Variants in GPHN observed in about 807,000 individuals in gnomAD.
GPHN encodes the protein gephyrin.
In GPHN, 17 loss-of-function variants were observed where a neutral mutation model predicts 95.5. The ratio of observed to expected loss-of-function variants is 0.18; its 90% confidence interval spans 0.12 to 0.27. The LOEUF (loss-of-function observed/expected upper bound fraction) is 0.27, where lower values mean the gene tolerates loss of function less well. GPHN is among the 10% of genes least tolerant of loss of function. GPHN has a pLI of 1.00. For synonymous variants in GPHN, 320 were observed against 322.5 expected (o/e 0.99, Z 0.08); for missense variants, 660 against 978.1 (o/e 0.67, Z 4.34).
chr14:67,508,449 A>G, the GPHN span, among the ~76,000 whole-genome samples: 1 of 152,148 alleles, frequency 6.6e-6, no homozygotes, highest in Non-Finnish European at 1.5e-5. Context: ...AGAGTCACTG[A>G]GCTGTGAGGA....
At chr14:66,571,059 A>G (rs2060669052) in intron 1 of GPHN, among the ~76,000 whole-genome samples, 1 of 152,242 alleles carries the variant, frequency 6.6e-6, no homozygotes, top group Admixed American at 6.5e-5. Flanking sequence ...TCACACTGCT[A>G]TAAAGAAATA....
At chr14:67,407,422 CT>C in the GPHN span, among the ~76,000 whole-genome samples, 1 of 151,520 alleles carries the variant, frequency 6.6e-6, no homozygotes, top group East Asian at 1.9e-4. Flanking sequence ...CGCCCAGCCC[CT>C]AACCTTATTT....
At position 66,794,021 on chromosome 14, in the gene GPHN, C is replaced by T. The variant is rs555645486; in HGVS notation, c.201+17500C>T. On this transcript the variant is annotated intron_variant, in intron 3 of 22. Coordinates refer to ENST00000478722, the MANE Select transcript of GPHN (RefSeq NM_020806.5). Reference sequence around the variant, plus strand: ...ATGACAAGTATTTTTAAAAACCCATCTGTGTGCTTTCTGCAGTAGACATAT... The same window carrying T: ...ATGACAAGTATTTTTAAAAACCCATTTGTGTGCTTTCTGCAGTAGACATAT... 2.0e-5 allele frequency among the ~76,000 whole-genome samples: 3 copies of T among 152,144 alleles called. No individual in the cohort carries two copies. In the South Asian group the frequency reaches 6.2e-4, roughly 32 times the overall value.
chr14:67,001,687 G>A (rs186200859), intron 9 of GPHN, among the ~76,000 whole-genome samples: 46 of 151,612 alleles, frequency 3.0e-4, no homozygotes, highest in African/African-American at 7.7e-4. Context: ...TTGTTGCCAC[G>A]TCTACTTTAA....
chr14:67,180,687 C>G (rs1464857127), intron 22 of GPHN, 117 bp from the exon 23 acceptor site: 1 of 932,726 alleles, frequency 1.1e-6, no homozygotes, highest in Admixed American at 2.0e-5. Context: ...GTTTGATCAT[C>G]CCTTCTCCTC....
intron 3 of GPHN, among the ~76,000 whole-genome samples, chr14:66,805,659 A>T (rs1436523217): frequency 6.6e-6 from 1 of 152,208 alleles, no homozygotes; most frequent in African/African-American, 2.4e-5. Context: ...GCAAGTCTGA[A>T]ATCCAGCAAG....
intron 9 of GPHN, among the ~76,000 whole-genome samples, chr14:66,999,430 G>T (rs1410038991): frequency 6.6e-6 from 1 of 151,712 alleles, no homozygotes; most frequent in Non-Finnish European, 1.5e-5. Flanking sequence ...AACATTTATG[G>T]TTATATAATT....
chr14:66,523,512 T>G (rs964115737), intron 1 of GPHN, among the ~76,000 whole-genome samples: 1 of 152,138 alleles, frequency 6.6e-6, no homozygotes, highest in Admixed American at 6.5e-5. Flanking sequence ...ATACCTTTGA[T>G]GAACAATATT....
intron 16 of GPHN, among the ~76,000 whole-genome samples, chr14:67,116,469 A>T (rs1052378312): frequency 2.6e-5 from 4 of 152,160 alleles, no homozygotes; most frequent in African/African-American, 9.6e-5. Context: ...TAAATAAATT[A>T]TTCATGTAAC....
At chr14:67,280,845 TTCC>T in the GPHN span, among the ~76,000 whole-genome samples, 1 of 113,278 alleles carries the variant, frequency 8.8e-6, no homozygotes, top group African/African-American at 4.3e-5. Context: ...CCTTCCTTCC[TTCC>T]TTCCTTCCCT....
intron 10 of GPHN, among the ~76,000 whole-genome samples, chr14:67,057,097 C>G (rs2075614599): frequency 6.6e-6 from 1 of 152,122 alleles, no homozygotes; most frequent in Non-Finnish European, 1.5e-5. Context: ...GGAGCCGGCT[C>G]TGGCCTCGGC....
chr14:66,802,169 C>G (rs1192150362), intron 3 of GPHN, among the ~76,000 whole-genome samples: 1 of 152,188 alleles, frequency 6.6e-6, no homozygotes, highest in Non-Finnish European at 1.5e-5. Flanking sequence ...AGCTTGCCCT[C>G]AAACCGCATG....
chr14:67,332,968 A>T, the GPHN span: 1 of 1,593,030 alleles, frequency 6.3e-7, no homozygotes, highest in Non-Finnish European at 8.6e-7. Context: ...AGAAACATCC[A>T]TTCTGTGGCA....
At chr14:66,880,585 A>G (rs1318360213) in intron 5 of GPHN, among the ~76,000 whole-genome samples, 3 of 152,008 alleles carry the variant, frequency 2.0e-5, no homozygotes, top group Non-Finnish European at 4.4e-5. Flanking sequence ...TTGTTCTCAC[A>G]AGTTAGGAGC....
chr14:67,657,151 AC>A, the GPHN span: 1 of 152,092 alleles, frequency 6.6e-6, no homozygotes, highest in East Asian at 1.9e-4. Flanking sequence ...CCAAGTACTA[AC>A]CTGGCCTGAC....
chr14:67,054,933 A>G (rs1465323164), intron 10 of GPHN, among the ~76,000 whole-genome samples: 3 of 152,178 alleles, frequency 2.0e-5, no homozygotes, highest in Non-Finnish European at 4.4e-5. Flanking sequence ...TATACCTTAT[A>G]CAAAAGTTAA....
chr14:67,199,419 T>G, the GPHN span: 1 of 1,613,706 alleles, frequency 6.2e-7, no homozygotes, highest in Non-Finnish European at 8.5e-7. Flanking sequence ...TATGATACTT[T>G]CAGCGCCTTT....
At chr14:66,833,662 G>GTT (rs530085355) in intron 4 of GPHN, among the ~76,000 whole-genome samples, 144 of 122,498 alleles carry the variant, frequency 1.2e-3, no homozygotes, top group Middle Eastern at 3.6e-3. Flanking sequence ...TTATGCCCTG[G>GTT]TTAAAAAAAA....
Position 66,812,301 on chromosome 14 carries a change from A to G in GPHN, c.202-12173A>G, listed in dbSNP as rs7146322. Among the ~76,000 whole-genome samples, 1,494 of 152,338 alleles carry G rather than the reference A, an allele frequency of 9.8e-3. 11 individuals are homozygous for G. The highest frequency in any genetic ancestry group is 0.017 in the Admixed American group (255 of 15,306). ...GTTTGCAGTTAGGTCTGCCGAAGTC[A>G]CTGCTTACTAAAATTTAAAAAAATC... On this transcript the variant is annotated intron_variant, in intron 3 of 22. Transcript: ENST00000478722.
Sources: allele counts gnomAD v4.1 joint callset (sites outside exome capture counted in the v4.1 genomes callset), GRCh38; gene constraint gnomAD v4.1.1; transcripts MANE v1.5; gene names NCBI Gene and HGNC (gene_info 2026-07-23, HGNC 2026-07-21).